Variants in PAICS observed in about 807,000 individuals in gnomAD.
PAICS encodes phosphoribosylaminoimidazole carboxylase and phosphoribosylaminoimidazolesuccinocarboxamide synthase.
PAICS carries 33 observed loss-of-function variants against 53.7 expected under a neutral mutation model. The ratio of observed to expected loss-of-function variants is 0.61; its 90% CI spans 0.47 to 0.82. The LOEUF is 0.82. Ranked by LOEUF, PAICS falls within the 40% of genes least tolerant of loss-of-function variation. PAICS has a pLI of 0.00. For missense variants in PAICS, 394 were observed against 494.1 expected (o/e 0.80, Z 1.92); for synonymous variants, 141 against 167.2 (o/e 0.84, Z 1.21).
the PAICS span, among the ~76,000 whole-genome samples, chr4:56,412,841 T>C: frequency 6.6e-6 from 1 of 152,198 alleles, no homozygotes; most frequent in Non-Finnish European, 1.5e-5. Flanking sequence ...TCTTCCCATA[T>C]ACTTTCCACA....
upstream of PAICS, chr4:56,435,941 T>A (rs748502044): frequency 1.7e-5 from 25 of 1,490,818 alleles, no homozygotes; most frequent in African/African-American, 2.8e-5. Context: ...ACGCTCCAAC[T>A]TCTGAGTCGC....
rs1371971948 is a variant in PAICS at position 56,464,116 on chromosome 4, C to A, written c.*4578C>A. 1 of 152,254 alleles carries A rather than the reference C, an allele frequency of 6.6e-6. No individual in the cohort carries two copies. Among genetic ancestry groups the A allele is most frequent in the Admixed American group, 6.5e-5 (1 of 15,276 alleles). 9.4% of individuals were successfully genotyped at this position (152,254 alleles called of 1,614,324 possible). A position where few individuals can be genotyped will look rare whatever the true frequency, so the allele number is the denominator to read the frequency against. On this transcript the variant is annotated 3_prime_UTR_variant, in exon 9 of 9. Transcript: ENST00000512576. ...TCGGGTTTGGAACTACACTGGCTTT[C>A]CTGGGCCTTCAGCCTGCAGAAGGCA...
the PAICS span, among the ~76,000 whole-genome samples, chr4:56,427,642 T>TA: frequency 0.37 from 51,897 of 140,360 alleles, 9,738 homozygotes; most frequent in Non-Finnish European, 0.43. Context: ...CCCTGTCTCT[T>TA]AAAAAAAAAA....
chr4:56,416,002 G>A, the PAICS span, among the ~76,000 whole-genome samples: 29,069 of 151,514 alleles, frequency 0.19, 3,146 homozygotes, highest in Admixed American at 0.33. Context: ...CCCGGGAGGC[G>A]GAGGTTGCAG....
chr4:56,419,924 A>AT, the PAICS span: 3 of 984,326 alleles, frequency 3.0e-6, no homozygotes, highest in Admixed American at 1.2e-4. Context: ...AGAGTATGAA[A>AT]TTTTTTACTG....
At chr4:56,446,044 A>G (rs772418873) in intron 2 of PAICS, among the ~76,000 whole-genome samples, 2 of 152,148 alleles carry the variant, frequency 1.3e-5, no homozygotes, top group Non-Finnish European at 2.9e-5. Flanking sequence ...TATCTTATCA[A>G]ATGTTATGAG....
At chr4:56,426,253 T>C in the PAICS span, among the ~76,000 whole-genome samples, 1 of 151,902 alleles carries the variant, frequency 6.6e-6, no homozygotes, top group East Asian at 1.9e-4. Flanking sequence ...ATACAAAAAT[T>C]AGCTGGGCGT....
At chr4:56,423,768 T>G in the PAICS span, among the ~76,000 whole-genome samples, 1 of 152,030 alleles carries the variant, frequency 6.6e-6, no homozygotes. Flanking sequence ...TTATATTATT[T>G]TAAACTGTCA....
rs1719039738 is a variant in PAICS, at chr4:56,453,654, T to C, written c.1004T>C (p.Leu335Ser). 1 of 1,581,046 alleles carries C rather than the reference T, an allele frequency of 6.3e-7. No homozygotes were observed. Among genetic ancestry groups the C allele is most frequent in the Admixed American group, 1.8e-5 (1 of 54,988 alleles). Residue 335 changes from leucine (L) to serine (S), a missense_variant, in exon 8 of 9, where the codon TTG becomes TCG. Leu to Ser is a moderately radical substitution (Grantham distance 145). Around this residue, in one of 3 missense-constraint regions of PAICS, gnomAD observed 131 missense variants for 205.5 expected, o/e 0.64. Transcript: ENST00000512576. The part of the protein sequence containing the change: ...FVAVAGRSNG[L>S]GPVMSGNTAY... Reference sequence around the variant, plus strand: ...GCAGTGGCAGGCAGAAGTAATGGTTTGGGACCAGTGATGTCTGGGAACACT... The same window carrying C: ...GCAGTGGCAGGCAGAAGTAATGGTTCGGGACCAGTGATGTCTGGGAACACT...
In PAICS at chr4:56,459,788, G is replaced by A. The variant is rs138713000; in HGVS notation, c.*250G>A. ...CTTTATCCTTTTTCCTTAAGTATTG[G>A]TGGTCACTACTATTGAGTTTCTTCC... On this transcript the variant is annotated 3_prime_UTR_variant, in exon 9 of 9. Coordinates refer to ENST00000512576, the MANE Select transcript of PAICS (RefSeq NM_001079524.2). 5.6e-6 allele frequency: 2 copies of A among 357,476 alleles called. No homozygotes were observed. Among genetic ancestry groups the A allele is most frequent in the East Asian group, 4.7e-5 (1 of 21,344 alleles). The allele number at this position is 357,476 out of a possible 1,614,324, so 22.1% of individuals were successfully genotyped here.
At chr4:56,439,447 G>T (rs961866840) in intron 1 of PAICS, among the ~76,000 whole-genome samples, 2 of 152,096 alleles carry the variant, frequency 1.3e-5, no homozygotes, top group Non-Finnish European at 2.9e-5. Context: ...ATGTTGGTCA[G>T]CCTGGTCTTG....
the PAICS span, among the ~76,000 whole-genome samples, chr4:56,417,835 G>GTTTTTTTTTTTTTTTT: frequency 3.9e-4 from 40 of 102,570 alleles, 1 homozygote; most frequent in African/African-American, 1.3e-3. Context: ...TGAAGATTTG[G>GTTTTTTTTTTTTTTTT]TTTTTTGTTT....
chr4:56,455,292 ATTGT>A (rs1260536432), intron 8 of PAICS, among the ~76,000 whole-genome samples: 3 of 152,136 alleles, frequency 2.0e-5, no homozygotes, highest in Non-Finnish European at 4.4e-5. Flanking sequence ...GAGGGTCAAT[ATTGT>A]TTCAGTAGGA....
At chr4:56,448,376 T>G (rs1283503057) in intron 3 of PAICS, 42 bp from the exon 4 acceptor site, 13 of 1,367,086 alleles carry the variant, frequency 9.5e-6, no homozygotes, top group Non-Finnish European at 1.3e-5. Flanking sequence ...AGTTTAAAAA[T>G]TTTAGATTGA....
Position 56,448,841 on chromosome 4 carries a change from T to G in PAICS, c.687+18T>G. Reference sequence around the variant, plus strand: ...ACAAACAGGTAGATAATGCTTCAGGTTTTTTTATCCTTTTTGAGATCAAGC... The same window carrying G: ...ACAAACAGGTAGATAATGCTTCAGGGTTTTTTATCCTTTTTGAGATCAAGC... On this transcript the variant is annotated intron_variant, in intron 5 of 8. Coordinates refer to ENST00000512576, the MANE Select transcript of PAICS (RefSeq NM_001079524.2). The G allele has an allele frequency of 7.6e-7, 1 of 1,311,648 alleles. No homozygotes were observed. The allele number at this position is 1,311,648 out of a possible 1,614,324, so 81.3% of individuals were successfully genotyped here.
chr4:56,432,433 C>T (rs1717635753), upstream of PAICS, among the ~76,000 whole-genome samples: 2 of 147,786 alleles, frequency 1.4e-5, no homozygotes, highest in African/African-American at 2.5e-5. Context: ...GAGACAGGTA[C>T]GAGAATCACT....
In PAICS at chr4:56,459,404, G is replaced by C. The variant is rs1286187536; in HGVS notation, c.1144G>C (p.Gly382Arg). ...LGCSTVLSPEGSAQFAAQIFG... is the reference protein window; with the variant it reads ...LGCSTVLSPERSAQFAAQIFG... The stretch of plus-strand genomic sequence containing the variant: ...CTGTTCAACCGTACTTTCTCCAGAA[G>C]GATCAGCTCAATTTGCTGCTCAGAT... Residue 382 changes from glycine to arginine, a missense_variant, in exon 9 of 9, where the codon GGA becomes CGA. Coordinates refer to ENST00000512576, the MANE Select transcript of PAICS (RefSeq NM_001079524.2). 1 of 1,601,876 alleles carries C rather than the reference G, an allele frequency of 6.2e-7. No individual in the cohort carries two copies. Among genetic ancestry groups the C allele is most frequent in the South Asian group, 1.1e-5 (1 of 89,574 alleles).
At chr4:56,419,768 G>A in the PAICS span, 2 of 984,870 alleles carry the variant, frequency 2.0e-6, no homozygotes, top group Non-Finnish European at 2.4e-6. Flanking sequence ...AGGGAACAGT[G>A]AGAAATAAGA....
the PAICS span, chr4:56,410,912 A>G: frequency 4.1e-6 from 4 of 967,942 alleles, no homozygotes; most frequent in Non-Finnish European, 4.9e-6. Context: ...AAAAAAAAAA[A>G]AAAAAAAAAA....
Sources: gnomAD v4.1 joint callset for allele counts (sites outside exome capture counted in the v4.1 genomes callset) on GRCh38, gnomAD v4.1.1 for gene constraint, gnomAD v4.1.1 regional missense constraint, MANE v1.5 for transcripts, NCBI Gene and HGNC (gene_info 2026-07-23, HGNC 2026-07-21) for gene names.